Variants in MEIS2 observed in about 807,000 individuals in gnomAD.
MEIS2 encodes the protein Meis homeobox 2.
A neutral mutation model predicts 58.6 loss-of-function variants in MEIS2; 9 were observed. That is an observed-to-expected ratio of 0.15 (90% confidence interval 0.09 to 0.27). The LOEUF (loss-of-function observed/expected upper bound fraction) is 0.27, where lower values mean the gene tolerates loss of function less well. MEIS2 is among the 10% of genes least tolerant of loss of function. The pLI, the probability that MEIS2 is intolerant of heterozygous loss-of-function variation, is 1.00. For missense variants in MEIS2, 427 were observed against 635.0 expected (o/e 0.67, Z 3.52); for synonymous variants, 221 against 228.4 (o/e 0.97, Z 0.29).
At chr15:36,916,614 G>A (rs1666088008) in intron 9 of MEIS2, among the ~76,000 whole-genome samples, 1 of 151,608 alleles carries the variant, frequency 6.6e-6, no homozygotes, top group South Asian at 2.1e-4. Context: ...AAATTTTTTT[G>A]TAGAGATGGT....
intron 8 of MEIS2, among the ~76,000 whole-genome samples, chr15:37,011,291 A>G (rs1451378164): frequency 6.6e-6 from 1 of 152,234 alleles, no homozygotes; most frequent in African/African-American, 2.4e-5. Flanking sequence ...GTCACCTTCA[A>G]TGATGACCAA....
In MEIS2 at chr15:37,099,600, C is replaced by T; in HGVS notation, c.-134G>A. ...AGACTTCTCCCAATTCTCCAATATG[C>T]TATTTTTTAGGGGGGAAAAAAAGCC... is the stretch of plus-strand genomic sequence containing the variant. On this transcript the variant is annotated 5_prime_UTR_variant, in exon 1 of 12. Coordinates refer to ENST00000561208, the MANE Select transcript of MEIS2 (RefSeq NM_170675.5). 3 of 1,318,976 alleles carry T rather than the reference C, an allele frequency of 2.3e-6. No homozygotes were observed. Among genetic ancestry groups the T allele is most frequent in the Non-Finnish European group, 3.1e-6 (3 of 972,616 alleles). The allele number at this position is 1,318,976 out of a possible 1,614,324, so 81.7% of individuals were successfully genotyped here.
rs187782625 is a variant in MEIS2, at chr15:37,084,812, G to C, written c.640-927C>G. 2.0e-4 allele frequency among the ~76,000 whole-genome samples: 31 copies of C among 152,288 alleles called. No homozygotes were observed. In the East Asian group the frequency reaches 5.2e-3, roughly 26 times the overall value. ...CTAATGTACAGGAAGGACTTTATCA[G>C]CACCACATGAAGGCAGGCAAGAGAT... On this transcript the variant is annotated intron_variant, in intron 6 of 11. Transcript: ENST00000561208.
chr15:37,095,011 C>G (rs1021283593), intron 4 of MEIS2: 1 of 155,792 alleles, frequency 6.4e-6, no homozygotes, highest in Non-Finnish European at 1.4e-5. Context: ...GCATACCCAG[C>G]GAAATCCTTC....
At chr15:37,054,645 G>A (rs1314223062) in intron 7 of MEIS2, among the ~76,000 whole-genome samples, 1 of 151,830 alleles carries the variant, frequency 6.6e-6, no homozygotes, top group African/African-American at 2.4e-5. Flanking sequence ...TCTCCAACTT[G>A]TGAGCTCAAG....
chr15:37,015,736 T>C (rs546687735), intron 8 of MEIS2, among the ~76,000 whole-genome samples: 11 of 152,020 alleles, frequency 7.2e-5, no homozygotes, highest in African/African-American at 2.7e-4. Flanking sequence ...CTTTCTACCT[T>C]TTTTTTCCCC....
intron 8 of MEIS2, among the ~76,000 whole-genome samples, chr15:36,973,464 C>A (rs1055558207): frequency 6.6e-6 from 1 of 152,154 alleles, no homozygotes; most frequent in Non-Finnish European, 1.5e-5. Flanking sequence ...CTTAGATCTG[C>A]ATTCTTCTAA....
intron 8 of MEIS2, among the ~76,000 whole-genome samples, chr15:37,004,251 C>A (rs2060837736): frequency 6.6e-6 from 1 of 152,090 alleles, no homozygotes; most frequent in South Asian, 2.1e-4. Flanking sequence ...TTATCTATAC[C>A]AAAATCTTAG....
intron 7 of MEIS2, among the ~76,000 whole-genome samples, chr15:37,065,849 C>A (rs1889857982): frequency 1.3e-5 from 2 of 152,188 alleles, no homozygotes; most frequent in African/African-American, 4.8e-5. Context: ...AATTGGCAGA[C>A]TTTCTTGGGG....
intron 8 of MEIS2, among the ~76,000 whole-genome samples, chr15:36,964,313 T>C (rs2059287173): frequency 6.6e-6 from 1 of 152,222 alleles, no homozygotes; most frequent in Admixed American, 6.5e-5. Flanking sequence ...GAGAGCAGTA[T>C]AGCTCAATAA....
At chr15:37,073,849 A>G (rs1638568250) in intron 7 of MEIS2, among the ~76,000 whole-genome samples, 1 of 152,082 alleles carries the variant, frequency 6.6e-6, no homozygotes, top group South Asian at 2.1e-4. Context: ...TTGAGGCAAG[A>G]GTCATATCTC....
At chr15:36,927,074 G>T (rs1240999278) in intron 9 of MEIS2, among the ~76,000 whole-genome samples, 2 of 152,144 alleles carry the variant, frequency 1.3e-5, no homozygotes, top group Non-Finnish European at 2.9e-5. Flanking sequence ...TCTTCCTACC[G>T]ATGTGCTTGG....
rs766865225 is a variant in MEIS2, at chr15:36,908,042, TATGTC to T, written c.978-11361_978-11357del. On this transcript the variant is annotated intron_variant, in intron 9 of 11. Coordinates refer to ENST00000561208, the MANE Select transcript of MEIS2 (RefSeq NM_170675.5). ...AAATTATTATGAAAACATATTATAT[TATGTC>T]AGAAAGCAAAAAAAAAATCTATTCA... Among the ~76,000 whole-genome samples the T allele has an allele frequency of 6.8e-4, 104 of 152,256 alleles. 1 individual carries two copies. The highest frequency in any genetic ancestry group is 5.0e-4 in the Non-Finnish European group (34 of 68,020).
Position 36,891,180 on chromosome 15 carries a change from G to C in MEIS2, c.*993C>G, listed in dbSNP as rs1350557428. On this transcript the variant is annotated 3_prime_UTR_variant, in exon 12 of 12. Transcript: ENST00000561208. ...TCTTCTAGTGAGGAACACGTGCTGA[G>C]AAAAGAAGAATTCATGGACATACAA... 2.6e-5 allele frequency: 4 copies of C among 151,900 alleles called. No homozygotes were observed. Among genetic ancestry groups the C allele is most frequent in the African/African-American group, 9.7e-5 (4 of 41,248 alleles). The allele number at this position is 151,900 out of a possible 1,614,324, so 9.4% of individuals were successfully genotyped here.
chr15:36,895,029 C>A, intron 11 of MEIS2, 122 bp downstream of exon 11: 1 of 953,262 alleles, frequency 1.0e-6, no homozygotes, highest in Non-Finnish European at 1.6e-6. Flanking sequence ...AGAAAGCAGG[C>A]AGAGCAGGCA....
chr15:37,012,437 C>T (rs1460167594), intron 8 of MEIS2, among the ~76,000 whole-genome samples: 1 of 152,204 alleles, frequency 6.6e-6, no homozygotes, highest in Non-Finnish European at 1.5e-5. Context: ...AACTGAACCT[C>T]AGAATCTAAT....
chr15:36,921,537 G>A (rs2057506957), intron 9 of MEIS2, among the ~76,000 whole-genome samples: 1 of 152,188 alleles, frequency 6.6e-6, no homozygotes. Context: ...GGAGTTGAAG[G>A]TTGCTTTCTG....
At chr15:36,968,527 T>C (rs375656113) in intron 8 of MEIS2, among the ~76,000 whole-genome samples, 3 of 152,114 alleles carry the variant, frequency 2.0e-5, no homozygotes, top group African/African-American at 7.2e-5. Flanking sequence ...TGGGAAGAGA[T>C]TGCATAAAGG....
intron 9 of MEIS2, among the ~76,000 whole-genome samples, chr15:36,907,171 C>T (rs2056783051): frequency 6.6e-6 from 1 of 152,128 alleles, no homozygotes; most frequent in Non-Finnish European, 1.5e-5. Flanking sequence ...GGGTTTTCTC[C>T]AGGTAGTGAC....
Sources: allele counts gnomAD v4.1 joint callset (sites outside exome capture counted in the v4.1 genomes callset), GRCh38; gene constraint gnomAD v4.1.1; transcripts MANE v1.5; gene names NCBI Gene and HGNC (gene_info 2026-07-23, HGNC 2026-07-21).